The following NRXN1 variants were observed in gnomAD, a reference collection of about 807,000 sequenced individuals.
NRXN1 encodes neurexin-1.
Under a neutral mutation model 150.9 loss-of-function variants are expected in NRXN1, and 39 were observed. The ratio of observed to expected loss-of-function variants is 0.26; its 90% CI spans 0.20 to 0.34. NRXN1 has a LOEUF of 0.34. Ranked by LOEUF, NRXN1 falls within the 10% of genes least tolerant of loss-of-function variation. NRXN1 has a pLI of 1.00. For synonymous variants in NRXN1, 924 were observed against 757.0 expected (o/e 1.22, Z -3.62); for missense variants, 1,815 against 1,949.9 (o/e 0.93, Z 1.30).
intron 19 of NRXN1, among the ~76,000 whole-genome samples, chr2:50,074,473 G>C (rs181579247): frequency 6.6e-6 from 1 of 152,170 alleles, no homozygotes; most frequent in African/African-American, 2.4e-5. Context: ...CTGTAAAATG[G>C]GGATAATTTA....
chr2:50,662,261 G>A (rs183154927), intron 5 of NRXN1, among the ~76,000 whole-genome samples: 6 of 152,070 alleles, frequency 3.9e-5, no homozygotes, highest in African/African-American at 1.4e-4. Context: ...TTTGCACAGG[G>A]AGTTAGTGGC....
In NRXN1 at chr2:50,421,692, T is replaced by A. The variant is rs576037016; in HGVS notation, c.3364+43750A>T. Among the ~76,000 whole-genome samples, 8 of 152,238 alleles carry A rather than the reference T, an allele frequency of 5.3e-5. No homozygotes were observed. The South Asian group carries it at 1.7e-3, about 32-fold the overall frequency. On this transcript the variant is annotated intron_variant, in intron 17 of 22. Coordinates refer to ENST00000401669, the MANE Select transcript of NRXN1 (RefSeq NM_001330078.2). ...ACATCACCCATATGCACTAGTAGAT[T>A]TGGACTCCTAAACAGAGCAATTCAA...
intron 5 of NRXN1, among the ~76,000 whole-genome samples, chr2:50,670,075 A>G (rs1007591480): frequency 8.6e-5 from 13 of 151,830 alleles, no homozygotes; most frequent in African/African-American, 3.1e-4. Context: ...ACTGTATTCA[A>G]TTATTTTTAA....
intron 21 of NRXN1, among the ~76,000 whole-genome samples, chr2:49,950,302 C>T (rs145702524): frequency 4.6e-4 from 70 of 151,964 alleles, no homozygotes; most frequent in African/African-American, 1.6e-3. Context: ...TTCTTGTTTC[C>T]ACTGTCTCAA....
intron 17 of NRXN1, among the ~76,000 whole-genome samples, chr2:50,445,174 T>C (rs900615178): frequency 3.3e-5 from 5 of 152,154 alleles, no homozygotes; most frequent in Admixed American, 1.3e-4. Flanking sequence ...TCCTGCTGGA[T>C]GGCCCGCAAT....
intron 17 of NRXN1, among the ~76,000 whole-genome samples, chr2:50,404,922 G>A (rs1173030846): frequency 2.0e-5 from 3 of 152,000 alleles, no homozygotes; most frequent in African/African-American, 4.8e-5. Context: ...AGGCTCAAGG[G>A]TGCACCTCTC....
In NRXN1 at chr2:50,925,900, C is replaced by G. The variant is rs762431142; in HGVS notation, c.790+38G>C. On this transcript the variant is annotated intron_variant, in intron 3 of 22. Coordinates refer to ENST00000401669, the MANE Select transcript of NRXN1 (RefSeq NM_001330078.2). ...CCTATTAGTACTAAGAAATAAAGGACAAATGAGAGTTGGAAAAATAAGGTA... is the reference window on the plus strand; with the variant it reads ...CCTATTAGTACTAAGAAATAAAGGAGAAATGAGAGTTGGAAAAATAAGGTA... The G allele has an allele frequency of 2.6e-6, 4 of 1,524,464 alleles. No individual in the cohort carries two copies. The African/African-American group carries it at 5.5e-5, about 21-fold the overall frequency. 94.4% of individuals were successfully genotyped at this position (1,524,464 alleles called of 1,614,324 possible).
At chr2:50,539,651 A>G (rs2093346628) in intron 9 of NRXN1, among the ~76,000 whole-genome samples, 2 of 152,240 alleles carry the variant, frequency 1.3e-5, no homozygotes, top group Admixed American at 1.3e-4. Context: ...TGATACCTGA[A>G]CAGAACACCA....
chr2:50,226,073 G>A (rs546248906), intron 18 of NRXN1, among the ~76,000 whole-genome samples: 2 of 152,126 alleles, frequency 1.3e-5, no homozygotes, highest in East Asian at 3.9e-4. Context: ...AGAAGGCACA[G>A]TGGTTAAGCA....
chr2:50,295,737 A>G (rs984069069), intron 17 of NRXN1, among the ~76,000 whole-genome samples: 5 of 152,218 alleles, frequency 3.3e-5, no homozygotes, highest in African/African-American at 1.2e-4. Context: ...AATTTCAATG[A>G]GGATGAAGAA....
intron 8 of NRXN1, among the ~76,000 whole-genome samples, chr2:50,563,566 T>G (rs1263893242): frequency 6.6e-6 from 1 of 152,132 alleles, no homozygotes; most frequent in Admixed American, 6.6e-5. Context: ...TGGAGTGACC[T>G]CAGACTCCAC....
chr2:49,985,453 G>T (rs1680745395), intron 21 of NRXN1, among the ~76,000 whole-genome samples: 1 of 152,124 alleles, frequency 6.6e-6, no homozygotes, highest in Non-Finnish European at 1.5e-5. Context: ...GCCTGGAAAA[G>T]ACGCTACTAT....
At chr2:50,424,873 T>C (rs930065027) in intron 17 of NRXN1, among the ~76,000 whole-genome samples, 7 of 152,200 alleles carry the variant, frequency 4.6e-5, no homozygotes, top group African/African-American at 1.7e-4. Flanking sequence ...AGTTATTTCG[T>C]ATTGCATAAT....
chr2:50,229,539 C>T (rs546024438), intron 18 of NRXN1, among the ~76,000 whole-genome samples: 78 of 151,992 alleles, frequency 5.1e-4, no homozygotes, highest in African/African-American at 1.7e-3. Flanking sequence ...CATTTCTTCC[C>T]GAGACACACA....
rs368021821 is a variant in NRXN1, at chr2:50,696,234, T to TAC, written c.833-72621_833-72620dup. 3.5e-3 allele frequency: 532 copies of TAC among 150,352 alleles called. 5 individuals are homozygous for TAC. The highest frequency in any genetic ancestry group is 0.031 in the Middle Eastern group (9 of 290). The allele number at this position is 150,352 out of a possible 1,614,324, so 9.3% of individuals were successfully genotyped here. ...TGTGTATGTATACACATATGCTATA[T>TAC]ACACACACACACACACGTATATCAC... On this transcript the variant is annotated intron_variant, in intron 5 of 22. Transcript: ENST00000401669.
intron 5 of NRXN1, among the ~76,000 whole-genome samples, chr2:50,794,545 T>C (rs1706517180): frequency 6.6e-6 from 1 of 152,140 alleles, no homozygotes. Flanking sequence ...TAATGCACTA[T>C]CTTCCTTTAA....
At chr2:50,431,787 C>T (rs996984932) in intron 17 of NRXN1, among the ~76,000 whole-genome samples, 4 of 152,100 alleles carry the variant, frequency 2.6e-5, no homozygotes, top group Non-Finnish European at 5.9e-5. Flanking sequence ...TTATCCAGTC[C>T]TTTACACAAA....
intron 3 of NRXN1, among the ~76,000 whole-genome samples, chr2:50,924,373 AAAAT>A (rs10546853): frequency 0.085 from 12,835 of 151,722 alleles, 590 homozygotes; most frequent in South Asian, 0.12. Context: ...CTATATTCTA[AAAAT>A]AAATCTTACC....
intron 5 of NRXN1, among the ~76,000 whole-genome samples, chr2:50,785,485 T>G (rs920449862): frequency 2.0e-5 from 3 of 152,054 alleles, no homozygotes; most frequent in Non-Finnish European, 4.4e-5. Flanking sequence ...CCTGACCTCA[T>G]GGTCCGCCCG....
Sources: allele counts gnomAD v4.1 joint callset (sites outside exome capture counted in the v4.1 genomes callset), GRCh38; gene constraint gnomAD v4.1.1; transcripts MANE v1.5; gene names NCBI Gene and HGNC (gene_info 2026-07-23, HGNC 2026-07-21).